The following PNPLA7 variants were observed in gnomAD, a reference collection of about 807,000 sequenced individuals.
The protein encoded by PNPLA7 is patatin like domain 7, lysophospholipase, also known as patatin-like phospholipase domain-containing protein 7.
Under a neutral mutation model 161.7 loss-of-function variants are expected in PNPLA7, and 153 were observed. The ratio of observed to expected loss-of-function variants is 0.95; its 90% confidence interval spans 0.83 to 1.08. The LOEUF is 1.08. Ranked by LOEUF, PNPLA7 falls within the 50% of genes least tolerant of loss-of-function variation. The pLI is 0.00. For missense variants in PNPLA7, 1,739 were observed against 1,856.6 expected (o/e 0.94, Z 1.16); for synonymous variants, 809 against 782.1 (o/e 1.03, Z -0.57).
At chr9:137,530,969 G>A (rs1835552921) in intron 8 of PNPLA7, among the ~76,000 whole-genome samples, 2 of 152,124 alleles carry the variant, frequency 1.3e-5, no homozygotes, top group South Asian at 4.1e-4. Flanking sequence ...TGCGGGCCCC[G>A]CACATCGAGC....
rs897115250 is a variant in PNPLA7, at chr9:137,540,079, C to T, written c.747+563G>A. On this transcript the variant is annotated intron_variant, in intron 8 of 34. Coordinates refer to ENST00000406427, the MANE Select transcript of PNPLA7 (RefSeq NM_001098537.3). The surrounding 1 kb of genome is among the most constrained non-coding windows in gnomAD (Gnocchi z 5.1). ...GATTACAGGTGTGAGCCACTGCGCCCGGCCCGGCAGCACCTTTCAAAATTA... is the reference window on the plus strand; with the variant it reads ...GATTACAGGTGTGAGCCACTGCGCCTGGCCCGGCAGCACCTTTCAAAATTA... Among the ~76,000 whole-genome samples the T allele has an allele frequency of 5.3e-5, 8 of 152,180 alleles. No individual in the cohort carries two copies. Among genetic ancestry groups the T allele is most frequent in the Non-Finnish European group, 1.2e-4 (8 of 68,026 alleles).
At chr9:137,477,690 GC>G (rs1484241049) in intron 25 of PNPLA7, among the ~76,000 whole-genome samples, 1 of 152,186 alleles carries the variant, frequency 6.6e-6, no homozygotes, top group Non-Finnish European at 1.5e-5. Context: ...TGATCTGCCC[GC>G]CTCGGCCTCC....
intron 33 of PNPLA7, chr9:137,460,982 C>T: frequency 3.9e-6 from 2 of 506,848 alleles, no homozygotes; most frequent in South Asian, 2.1e-5. Flanking sequence ...CGGGCAGACA[C>T]TCCTCCCCTT....
At chr9:137,489,715 T>A (rs2132206811) in intron 20 of PNPLA7, among the ~76,000 whole-genome samples, 1 of 152,268 alleles carries the variant, frequency 6.6e-6, no homozygotes, top group Middle Eastern at 3.4e-3. Context: ...GAACATTTTT[T>A]TAAAACTCTC....
rs533702346 is a variant in PNPLA7, at chr9:137,493,089, G to A, written c.2128-7C>T. 67 of 1,613,798 alleles carry A rather than the reference G, an allele frequency of 4.2e-5. No individual in the cohort carries two copies. The highest frequency in any genetic ancestry group is 2.1e-4 in the African/African-American group (16 of 75,022). Reference sequence around the variant, plus strand: ...GAATCAGCCGAGTCACCACCTGCGGGCAGACACAGGAGCCAAGAGCCACAC... The same window carrying A: ...GAATCAGCCGAGTCACCACCTGCGGACAGACACAGGAGCCAAGAGCCACAC... On this transcript the variant is annotated splice_polypyrimidine_tract_variant and splice_region_variant and intron_variant, in intron 19 of 34. Transcript: ENST00000406427.
chr9:137,504,786 G>A (rs1246823503), intron 14 of PNPLA7, among the ~76,000 whole-genome samples: 2 of 152,160 alleles, frequency 1.3e-5, no homozygotes, highest in Non-Finnish European at 2.9e-5. Context: ...CTGGGGGAGG[G>A]ACTAGGAGTA....
At chr9:137,504,304 C>T (rs1833797734) in intron 14 of PNPLA7, among the ~76,000 whole-genome samples, 1 of 152,140 alleles carries the variant, frequency 6.6e-6, no homozygotes, top group Non-Finnish European at 1.5e-5. Context: ...ATCCGTCTCC[C>T]AGGTTCAAGC....
rs567693399 is a variant in PNPLA7, at chr9:137,468,128, C to A, written c.2883-655G>T. On this transcript the variant is annotated intron_variant, in intron 25 of 34. Coordinates refer to ENST00000406427, the MANE Select transcript of PNPLA7 (RefSeq NM_001098537.3). This position sits in a 1 kb window ranked among gnomAD's most constrained non-coding sequence, Gnocchi z 4.0. ...CTGGGAAGCATCCTGAGGGGCAGCA[C>A]CCCAGGAGTCAGATGAGCTGGATGT... Among the ~76,000 whole-genome samples the A allele has an allele frequency of 6.6e-6, 1 of 151,930 alleles. No individual in the cohort carries two copies. Among genetic ancestry groups the A allele is most frequent in the Non-Finnish European group, 1.5e-5 (1 of 67,972 alleles).
chr9:137,519,752 T>C (rs1834890652), intron 11 of PNPLA7, among the ~76,000 whole-genome samples, 165 bp downstream of exon 11: 1 of 150,128 alleles, frequency 6.7e-6, no homozygotes. Context: ...GCATGTGAGG[T>C]GACTTGTGGG....
rs1452025938 is a variant in PNPLA7 at position 137,484,576 on chromosome 9, C to T, written c.2347+11G>A. On this transcript the variant is annotated intron_variant, in intron 21 of 34. Transcript: ENST00000406427. Reference sequence around the variant, plus strand: ...CCAAGGATGGCTGGAGGCTGGGAGGCTCAGGCTTACCGATGGCGCTGAGGG... The same window carrying T: ...CCAAGGATGGCTGGAGGCTGGGAGGTTCAGGCTTACCGATGGCGCTGAGGG... 4 of 1,587,464 alleles carry T rather than the reference C, an allele frequency of 2.5e-6. No individual in the cohort carries two copies. The highest frequency in any genetic ancestry group is 1.1e-5 in the South Asian group (1 of 88,218).
chr9:137,493,426 G>A (rs1326136341), intron 19 of PNPLA7, among the ~76,000 whole-genome samples: 3 of 152,252 alleles, frequency 2.0e-5, no homozygotes, highest in Non-Finnish European at 4.4e-5. Context: ...CCACGACCCT[G>A]AAGGCAGGAC....
chr9:137,473,123 C>T (rs914970262), intron 25 of PNPLA7, among the ~76,000 whole-genome samples: 2 of 152,188 alleles, frequency 1.3e-5, no homozygotes, highest in Non-Finnish European at 2.9e-5. Flanking sequence ...TCCCGTTAGA[C>T]TATCACGAGA....
At chr9:137,506,931 G>A (rs1005956044) in intron 12 of PNPLA7, among the ~76,000 whole-genome samples, 1 of 152,188 alleles carries the variant, frequency 6.6e-6, no homozygotes, top group East Asian at 1.9e-4. Flanking sequence ...ATTTCTCAGC[G>A]GAATACAGAG....
At chr9:137,548,472 G>C (rs577119323) in intron 1 of PNPLA7, among the ~76,000 whole-genome samples, 1 of 152,210 alleles carries the variant, frequency 6.6e-6, no homozygotes, top group Non-Finnish European at 1.5e-5. Flanking sequence ...GGGAAGGGCC[G>C]GGCGCAGTGG....
rs376778501 is a variant in PNPLA7, at chr9:137,494,203, G to A, written c.2127+830C>T. Reference sequence around the variant, plus strand: ...GACCTGCCCTTCAGGCCCCTCTGCCGGTCCTTCCTGGGCGCTCTCCTCACC... The same window carrying A: ...GACCTGCCCTTCAGGCCCCTCTGCCAGTCCTTCCTGGGCGCTCTCCTCACC... On this transcript the variant is annotated intron_variant, in intron 19 of 34. Transcript: ENST00000406427. 1.1e-4 allele frequency among the ~76,000 whole-genome samples: 16 copies of A among 152,228 alleles called. No homozygotes were observed. The East Asian group carries it at 1.2e-3, about 11-fold the overall frequency.
Position 137,547,765 on chromosome 9 carries a change from C to A in PNPLA7, c.31-106G>T. The A allele has an allele frequency of 9.3e-7, 1 of 1,071,094 alleles. No individual in the cohort carries two copies. The highest frequency in any genetic ancestry group is 1.8e-5 in the Admixed American group (1 of 56,302). 66.3% of individuals were successfully genotyped at this position (1,071,094 alleles called of 1,614,324 possible). A position where few individuals can be genotyped will look rare whatever the true frequency, so the allele number is the denominator to read the frequency against. Reference sequence around the variant, plus strand: ...GGGAGTTAGGGGAGAAGTCAGCAGCCCTGGAGACTTCTGGGAAGAAGTGAT... The same window carrying A: ...GGGAGTTAGGGGAGAAGTCAGCAGCACTGGAGACTTCTGGGAAGAAGTGAT... On this transcript the variant is annotated intron_variant, in intron 1 of 34. Coordinates refer to ENST00000406427, the MANE Select transcript of PNPLA7 (RefSeq NM_001098537.3). The surrounding 1 kb of genome is among the most constrained non-coding windows in gnomAD (Gnocchi z 4.6).
Position 137,480,429 on chromosome 9 carries a change from G to A in PNPLA7, c.2463C>T (p.His821=), listed in dbSNP as rs1160335103. The A allele has an allele frequency of 1.2e-6, 2 of 1,613,058 alleles. No individual in the cohort carries two copies. The highest frequency in any genetic ancestry group is 1.1e-5 in the South Asian group (1 of 91,050). The part of the protein sequence containing the change: ...SSWLGQQEDT[H]RIVLYQADGT... ...CATCTGCCTGGTAGAGCACGATCCT[G>A]TGGGTGTCCTCCTGCTGCCCCAGCC... The change falls in exon 23 of 35, where the codon CAC becomes CAT. Residue 821 remains histidine (H), a synonymous_variant. Transcript: ENST00000406427.
In PNPLA7 at chr9:137,547,440, A is replaced by G. The variant is rs1588726438; in HGVS notation, c.106-44T>C. 1.9e-6 allele frequency: 3 copies of G among 1,607,690 alleles called. No homozygotes were observed. The highest frequency in any genetic ancestry group is 1.7e-5 in the Admixed American group (1 of 59,984). The stretch of plus-strand genomic sequence containing the variant: ...ACGGCGCCCATCAGCAAAGCCACAA[A>G]CCTAACCCTAGCCCTAAGCCTGCCC... On this transcript the variant is annotated intron_variant, in intron 2 of 34. Transcript: ENST00000406427. The surrounding 1 kb of genome is among the most constrained non-coding windows in gnomAD (Gnocchi z 4.6).
intron 9 of PNPLA7, among the ~76,000 whole-genome samples, chr9:137,522,174 A>G (rs570456105): frequency 2.0e-5 from 3 of 152,198 alleles, no homozygotes; most frequent in African/African-American, 7.2e-5. Flanking sequence ...TCCCGGGTTC[A>G]TGCCGTTCTC....
Sources: allele counts gnomAD v4.1 joint callset (sites outside exome capture counted in the v4.1 genomes callset), GRCh38; gene constraint gnomAD v4.1.1; non-coding constraint Gnocchi (gnomAD v3.1); transcripts MANE v1.5; gene names NCBI Gene and HGNC (gene_info 2026-07-23, HGNC 2026-07-21).